The following MICAL1 variants were observed in gnomAD, a reference collection of about 807,000 sequenced individuals.
MICAL1 encodes the protein microtubule associated monooxygenase, calponin and LIM domain containing 1.
Under a neutral mutation model 131.8 loss-of-function variants are expected in MICAL1, and 95 were observed. That is an observed-to-expected ratio of 0.72 (90% confidence interval 0.61 to 0.86). The LOEUF (loss-of-function observed/expected upper bound fraction) is 0.86. Ranked by LOEUF, MICAL1 falls within the 40% of genes least tolerant of loss-of-function variation. The pLI is 0.00. For missense variants in MICAL1, 1,292 were observed against 1,380.6 expected (o/e 0.94, Z 1.02); for synonymous variants, 546 against 554.2 (o/e 0.99, Z 0.21).
At chr6:109,448,691 A>G in intron 12 of MICAL1, 41 bp downstream of exon 12, 1 of 1,611,676 alleles carries the variant, frequency 6.2e-7, no homozygotes, top group Non-Finnish European at 8.5e-7. Context: ...TAACTCCTAC[A>G]CTGAGATCAT....
chr6:109,446,444 G>A lies in MICAL1; in HGVS notation c.2305-32C>T, dbSNP rs199685870. The A allele has an allele frequency of 1.7e-3, 1,046 of 597,726 alleles. 5 individuals carry two copies. In the African/African-American group the frequency reaches 0.062, roughly 36 times the overall value. The allele number at this position is 597,726 out of a possible 1,614,324, so 37.0% of individuals were successfully genotyped here. A position where few individuals can be genotyped will look rare whatever the true frequency, so the allele number is the denominator to read the frequency against. ...AAGCCACCATGTGGAGTGAGGTCGGGGGGTGAGGCCACCCCTTCGGAGCAA... is the reference window on the plus strand; with the variant it reads ...AAGCCACCATGTGGAGTGAGGTCGGAGGGTGAGGCCACCCCTTCGGAGCAA... On this transcript the variant is annotated intron_variant, in intron 18 of 24. Transcript: ENST00000358807.
At position 109,445,419 on chromosome 6, in the gene MICAL1, G is replaced by C. The variant is rs1309517272; in HGVS notation, c.2784C>G (p.Ala928=). Residue 928 remains alanine (A), a synonymous_variant, in exon 21 of 25, where the codon GCC becomes GCG. Transcript: ENST00000358807. ...KEEEMKRFCK[A]QTIQRRLNEI... ...TTTGGGAACCCCCGGGCTTCACCTG[G>C]GCCTTGCAGAACCTCTTCATCTCCT... The C allele has an allele frequency of 1.2e-6, 2 of 1,613,870 alleles. No homozygotes were observed. The highest frequency in any genetic ancestry group is 1.7e-6 in the Non-Finnish European group (2 of 1,180,036).
rs1343101888 is a variant in MICAL1, at chr6:109,453,831, A to G, written c.273T>C (p.Gly91=). The change falls in exon 3 of 25, where the codon GGT becomes GGC. Residue 91 remains glycine (G), a synonymous_variant. Transcript: ENST00000358807. The part of the protein sequence containing the change: ...ACTSTKCLVV[G]AGPCGLRVAV... ...CGACCCGCAGCCCGCAAGGTCCAGC[A>G]CCCACCACCAGGCACTGTGAACACA... 1 of 1,613,350 alleles carries G rather than the reference A, an allele frequency of 6.2e-7. No individual in the cohort carries two copies. Among genetic ancestry groups the G allele is most frequent in the African/African-American group, 1.3e-5 (1 of 75,046 alleles).
rs766661267 is a variant in MICAL1, at chr6:109,445,474, C to T, written c.2729G>A (p.Arg910His). Residue 910 changes from arginine to histidine, a missense_variant, in exon 21 of 25, where the codon CGT becomes CAT. By Grantham distance (29) the Arg-to-His change is conservative (BLOSUM62 0). Transcript: ENST00000358807. ...SGTMNNYPTWRRTLLRRAKEE... is the reference protein window; with the variant it reads ...SGTMNNYPTWHRTLLRRAKEE... ...CTTCGCACGGCGCAGCAGAGTCCGACGCCATGTTGGGTAGTTATTCATGGT... is the reference window on the plus strand; with the variant it reads ...CTTCGCACGGCGCAGCAGAGTCCGATGCCATGTTGGGTAGTTATTCATGGT... 22 of 1,614,088 alleles carry T rather than the reference C, an allele frequency of 1.4e-5. No homozygotes were observed. The Middle Eastern group carries it at 9.9e-4, about 73-fold the overall frequency.
chr6:109,451,503 A>G (rs1487187185), intron 7 of MICAL1, 97 bp downstream of exon 7: 2 of 1,447,236 alleles, frequency 1.4e-6, no homozygotes, highest in African/African-American at 2.8e-5. Context: ...GCAGGAGAGG[A>G]CGGGGTCCCC....
upstream of MICAL1, among the ~76,000 whole-genome samples, chr6:109,460,047 A>T (rs1462114588): frequency 1.3e-5 from 2 of 151,954 alleles, no homozygotes; most frequent in African/African-American, 4.8e-5. Context: ...CCCTGCTCAA[A>T]TTTTTTCCTT....
chr6:109,444,305 C>T lies in MICAL1; in HGVS notation c.3090G>A (p.Glu1030=). The T allele has an allele frequency of 6.2e-7, 1 of 1,613,446 alleles. No individual in the cohort carries two copies. The highest frequency in any genetic ancestry group is 1.7e-5 in the Admixed American group (1 of 60,028). ...NLKTAADRQA[E]DQVLRKLVDL... ...CCACCAGCTTCCTCAGGACCTGGTC[C>T]TCAGCCTGCCGATCAGCAGCTGTCT... The change falls in exon 25 of 25, where the codon GAG becomes GAA. Residue 1030 remains glutamate (E), a synonymous_variant. Coordinates refer to ENST00000358807, the MANE Select transcript of MICAL1 (RefSeq NM_022765.4).
chr6:109,449,809 G>A (rs1280791397), intron 9 of MICAL1, 26 bp from the exon 10 acceptor site: 1 of 1,596,806 alleles, frequency 6.3e-7, no homozygotes, highest in South Asian at 1.1e-5. Flanking sequence ...TAAGGGGCAG[G>A]GGCATGAATG....
chr6:109,451,547 T>A, intron 7 of MICAL1, 53 bp downstream of exon 7: 1 of 1,606,642 alleles, frequency 6.2e-7, no homozygotes, highest in South Asian at 1.1e-5. Context: ...AAGCCTAGCC[T>A]CTGCCTCCCG....
chr6:109,451,816 T>C (rs1182035761), intron 6 of MICAL1, 116 bp from the exon 7 acceptor site: 3 of 1,502,040 alleles, frequency 2.0e-6, no homozygotes, highest in East Asian at 4.8e-5. Context: ...CTGCGGTGAG[T>C]GCTCCACGCA....
chr6:109,447,002 A>C (rs1775254350), intron 17 of MICAL1, 71 bp downstream of exon 17: 3 of 1,561,632 alleles, frequency 1.9e-6, no homozygotes, highest in Non-Finnish European at 2.6e-6. Context: ...GTGCCTCTCT[A>C]CCTCAAGCTC....
Position 109,447,894 on chromosome 6 carries a change from AG to A in MICAL1, c.1924del (p.Leu642CysfsTer41). 2 of 1,613,394 alleles carry A rather than the reference AG, an allele frequency of 1.2e-6. No homozygotes were observed. Among genetic ancestry groups the A allele is most frequent in the Non-Finnish European group, 1.7e-6 (2 of 1,179,658 alleles). ...VLFLSKLQRT[L>X]QRSRAKENAE... ...CTCCACCTTGGCCCGGGATCGCTGCAGGGTCCTCTGAAGTTTACTAAGGAAT... is the reference window on the plus strand; with the variant it reads ...CTCCACCTTGGCCCGGGATCGCTGCAGGTCCTCTGAAGTTTACTAAGGAAT... On this transcript the variant is annotated frameshift_variant, in exon 14 of 25. Transcript: ENST00000358807. LOFTEE classifies it high-confidence loss of function.
chr6:109,458,394 G>C (rs1272772503), upstream of MICAL1, among the ~76,000 whole-genome samples: 1 of 152,068 alleles, frequency 6.6e-6, no homozygotes, highest in Admixed American at 6.6e-5. Context: ...TCGGGAGTTC[G>C]AGACCAGCCT....
At chr6:109,465,956 A>G (rs751534136) in exon 1 of MICAL1, 1 of 1,614,190 alleles carries the variant, frequency 6.2e-7, no homozygotes, top group Non-Finnish European at 8.5e-7. Flanking sequence ...GATCTGAAGT[A>G]CTTGTAGCTA....
chr6:109,448,407 G>A lies in MICAL1; in HGVS notation c.1665-14C>T. On this transcript the variant is annotated splice_polypyrimidine_tract_variant and intron_variant, in intron 12 of 24. Coordinates refer to ENST00000358807, the MANE Select transcript of MICAL1 (RefSeq NM_022765.4). Reference sequence around the variant, plus strand: ...TCTGAGGGTTCCCTGTGGGATGTCAGGGAGAAAAGCCAACTAGAGACAAGA... The same window carrying A: ...TCTGAGGGTTCCCTGTGGGATGTCAAGGAGAAAAGCCAACTAGAGACAAGA... 1 of 1,612,010 alleles carries A rather than the reference G, an allele frequency of 6.2e-7. No homozygotes were observed. The highest frequency in any genetic ancestry group is 8.5e-7 in the Non-Finnish European group (1 of 1,179,864).
chr6:109,456,740 CATTT>C (rs986658396), upstream of MICAL1, among the ~76,000 whole-genome samples: 4 of 152,234 alleles, frequency 2.6e-5, no homozygotes, highest in African/African-American at 9.6e-5. Context: ...AACATCGTCT[CATTT>C]ATTGACCGTC....
At chr6:109,456,452 C>A (rs1775750611), upstream of MICAL1, among the ~76,000 whole-genome samples, 1 of 151,964 alleles carries the variant, frequency 6.6e-6, no homozygotes, top group African/African-American at 2.4e-5. Flanking sequence ...GGATTAAAGT[C>A]CTGGAAACTC....
chr6:109,450,134 G>A (rs2115333530), intron 8 of MICAL1, 49 bp from the exon 9 acceptor site: 1 of 1,589,770 alleles, frequency 6.3e-7, no homozygotes, highest in Non-Finnish European at 8.6e-7. Flanking sequence ...TCCAACAGGT[G>A]CATCCCAAGC....
In MICAL1 at chr6:109,450,170, G is replaced by T. The variant is rs996281449; in HGVS notation, c.1192-85C>A. The stretch of plus-strand genomic sequence containing the variant: ...CCAGATATCCACCCAGGTCACAGCA[G>T]AAGGGGCCATCCCCACACCAGGCAG... On this transcript the variant is annotated intron_variant, in intron 8 of 24. Transcript: ENST00000358807. The T allele has an allele frequency of 2.6e-6, 4 of 1,563,498 alleles. No individual in the cohort carries two copies. In the Admixed American group the frequency reaches 7.0e-5, roughly 27 times the overall value.
Sources: gnomAD v4.1 joint callset for allele counts (sites outside exome capture counted in the v4.1 genomes callset) on GRCh38, gnomAD v4.1.1 for gene constraint, MANE v1.5 for transcripts, NCBI Gene and HGNC (gene_info 2026-07-23, HGNC 2026-07-21) for gene names.